Variants in TCF12 observed in about 807,000 individuals in gnomAD.
The protein encoded by TCF12 is DNA-binding protein HTF4.
Under a neutral mutation model 86.0 loss-of-function variants are expected in TCF12, and 45 were observed. That is an observed-to-expected ratio of 0.52 (90% CI 0.41 to 0.67). The LOEUF (loss-of-function observed/expected upper bound fraction) is 0.67. TCF12 is among the 30% of genes least tolerant of loss of function. The probability of loss-of-function intolerance (pLI) is 0.00; values close to 1 mark genes in which losing one functional copy is unlikely to be tolerated. For missense variants in TCF12, 881 were observed against 859.9 expected, an observed-to-expected ratio of 1.02 and a Z score of -0.31; for synonymous variants, 330 against 299.6, an observed-to-expected ratio of 1.10 and a Z score of -1.05.
chr15:57,259,116 G>A (rs757443463), intron 16 of TCF12, among the ~76,000 whole-genome samples: 1 of 152,078 alleles, frequency 6.6e-6, no homozygotes, highest in Middle Eastern at 3.4e-3. Flanking sequence ...ACATTATAGT[G>A]CTTTTTTAAG....
At chr15:57,259,810 T>A (rs146318593) in intron 16 of TCF12, among the ~76,000 whole-genome samples, 5 of 152,340 alleles carry the variant, frequency 3.3e-5, no homozygotes, top group African/African-American at 1.2e-4. Flanking sequence ...GAACTGTTTA[T>A]ACACCTGTTG....
intron 4 of TCF12, among the ~76,000 whole-genome samples, chr15:57,091,505 T>C (rs2048991231): frequency 6.6e-6 from 1 of 152,216 alleles, no homozygotes; most frequent in Admixed American, 6.5e-5. Flanking sequence ...CCCCATCCCA[T>C]CAGAAGAGCT....
At chr15:57,122,673 AAT>A (rs2051324498) in intron 5 of TCF12, among the ~76,000 whole-genome samples, 1 of 152,234 alleles carries the variant, frequency 6.6e-6, no homozygotes, top group African/African-American at 2.4e-5. Context: ...CAGAAGAGCC[AAT>A]TCATCCCATC....
At chr15:57,147,653 A>G (rs1384792392) in intron 5 of TCF12, among the ~76,000 whole-genome samples, 8 of 152,190 alleles carry the variant, frequency 5.3e-5, no homozygotes, top group African/African-American at 1.9e-4. Flanking sequence ...GAATGGAAAG[A>G]GACAGTCACA....
intron 3 of TCF12, among the ~76,000 whole-genome samples, chr15:56,960,498 C>T (rs953834774): frequency 2.7e-5 from 4 of 149,172 alleles, no homozygotes; most frequent in African/African-American, 7.4e-5. Context: ...GGCATAATCT[C>T]GGCTCACTGG....
rs2062028874 is a variant in TCF12, at chr15:57,289,307, A to G, written c.*3162A>G. ...AAAAAGCTCTAAGAAGAAAATGTAT[A>G]ATCTTAGAGCTGAAATAAAATATAG... On this transcript the variant is annotated 3_prime_UTR_variant, in exon 21 of 21. Coordinates refer to ENST00000333725, the MANE Select transcript of TCF12 (RefSeq NM_207037.2). 1 of 152,226 alleles carries G rather than the reference A, an allele frequency of 6.6e-6. No individual in the cohort carries two copies. The highest frequency in any genetic ancestry group is 2.4e-5 in the African/African-American group (1 of 41,450). 9.4% of individuals were successfully genotyped at this position (152,226 alleles called of 1,614,324 possible).
chr15:56,951,475 A>C (rs2061273469), intron 3 of TCF12, among the ~76,000 whole-genome samples: 2 of 151,952 alleles, frequency 1.3e-5, no homozygotes, highest in Non-Finnish European at 2.9e-5. Context: ...GTTTACAGAT[A>C]TTTTCTACTA....
At chr15:57,079,790 C>G (rs2046053273) in intron 4 of TCF12, among the ~76,000 whole-genome samples, 1 of 152,152 alleles carries the variant, frequency 6.6e-6, no homozygotes, top group East Asian at 1.9e-4. Flanking sequence ...TACAAAAGTG[C>G]TATGGAAATG....
At chr15:56,970,164 T>C (rs1835325612) in intron 3 of TCF12, among the ~76,000 whole-genome samples, 2 of 152,172 alleles carry the variant, frequency 1.3e-5, no homozygotes, top group Admixed American at 1.3e-4. Flanking sequence ...AGGTGGACTT[T>C]TTAATAAATG....
intron 8 of TCF12, 69 bp from the exon 9 acceptor site, chr15:57,231,083 A>G (rs768314241): frequency 3.3e-6 from 4 of 1,224,846 alleles, no homozygotes; most frequent in Non-Finnish European, 4.8e-6. Context: ...TACAGAATAT[A>G]GAACTCATTT....
At chr15:56,936,399 G>C (rs1344186633) in intron 3 of TCF12, among the ~76,000 whole-genome samples, 1 of 152,118 alleles carries the variant, frequency 6.6e-6, no homozygotes, top group African/African-American at 2.4e-5. Flanking sequence ...CAGATGTATA[G>C]ATTGAGATGA....
At chr15:57,258,709 G>T (rs1437034518) in intron 16 of TCF12, among the ~76,000 whole-genome samples, 2 of 152,172 alleles carry the variant, frequency 1.3e-5, no homozygotes, top group Non-Finnish European at 2.9e-5. Flanking sequence ...TTGTATGAGA[G>T]CGTAGTAACT....
At chr15:57,263,367 C>G (rs2060680545) in intron 18 of TCF12, 93 bp downstream of exon 18, 2 of 1,304,394 alleles carry the variant, frequency 1.5e-6, no homozygotes, top group Admixed American at 2.3e-5. Context: ...TAACTGTCAG[C>G]TATGTTCTAG....
intron 8 of TCF12, among the ~76,000 whole-genome samples, chr15:57,208,494 C>T (rs1354461174): frequency 1.4e-5 from 2 of 138,068 alleles, no homozygotes; most frequent in Admixed American, 8.2e-5. Flanking sequence ...GTGATCCTCA[C>T]ACCTCAGCCT....
intron 4 of TCF12, among the ~76,000 whole-genome samples, chr15:57,075,839 C>A (rs200068766): frequency 2.4e-5 from 1 of 42,394 alleles, no homozygotes; most frequent in African/African-American, 7.9e-5. Flanking sequence ...TCTCTCTTTT[C>A]TTTCTTTCTT....
intron 6 of TCF12, among the ~76,000 whole-genome samples, chr15:57,178,859 T>G (rs1183205298): frequency 6.6e-6 from 1 of 152,196 alleles, no homozygotes; most frequent in Admixed American, 6.5e-5. Flanking sequence ...TAAAGGAAAG[T>G]CATTCTTATT....
chr15:57,074,925 G>C (rs1399260312), intron 4 of TCF12, among the ~76,000 whole-genome samples: 1 of 152,106 alleles, frequency 6.6e-6, no homozygotes, highest in Non-Finnish European at 1.5e-5. Flanking sequence ...CATCAATAAT[G>C]GTTAGATTTT....
intron 3 of TCF12, among the ~76,000 whole-genome samples, chr15:57,056,979 A>T (rs2068081768): frequency 6.6e-6 from 1 of 151,978 alleles, no homozygotes; most frequent in Non-Finnish European, 1.5e-5. Flanking sequence ...AGAATTTTGG[A>T]TATTATGAGT....
intron 16 of TCF12, among the ~76,000 whole-genome samples, chr15:57,257,257 G>A (rs146152069): frequency 5.3e-5 from 8 of 152,232 alleles, no homozygotes; most frequent in East Asian, 3.9e-4. Flanking sequence ...AGCCTATAAC[G>A]TTTGGCTTAT....
Sources: gnomAD v4.1 joint callset for allele counts (sites outside exome capture counted in the v4.1 genomes callset) on GRCh38, gnomAD v4.1.1 for gene constraint, MANE v1.5 for transcripts, NCBI Gene and HGNC (gene_info 2026-07-23, HGNC 2026-07-21) for gene names.